CACNA1I: variants seen among roughly 807,000 people sequenced by gnomAD.
CACNA1I encodes calcium voltage-gated channel subunit alpha1 I.
A neutral mutation model predicts 201.6 loss-of-function variants in CACNA1I; 74 were observed. The ratio of observed to expected loss-of-function variants is 0.37; its 90% CI spans 0.30 to 0.45. CACNA1I has a LOEUF of 0.45. CACNA1I is among the 20% of genes least tolerant of loss of function. CACNA1I has a pLI of 1.00. For synonymous variants in CACNA1I, 1,431 were observed against 1,345.2 expected (o/e 1.06, Z -1.40); for missense variants, 2,346 against 3,138.1 (o/e 0.75, Z 6.03).
At chr22:39,617,621 G>A (rs1021158363) in intron 3 of CACNA1I, among the ~76,000 whole-genome samples, 3 of 152,104 alleles carry the variant, frequency 2.0e-5, no homozygotes, top group Non-Finnish European at 2.9e-5. Context: ...CGTGTCTCCC[G>A]GCTGCCTGGA....
chr22:39,652,608 T>C (rs1273156545), intron 10 of CACNA1I, among the ~76,000 whole-genome samples: 1 of 152,182 alleles, frequency 6.6e-6, no homozygotes, highest in Non-Finnish European at 1.5e-5. Flanking sequence ...ACGTTTGGGT[T>C]TCAATCCTGG....
intron 1 of CACNA1I, among the ~76,000 whole-genome samples, chr22:39,593,336 A>G (rs964945222): frequency 1.3e-5 from 2 of 152,172 alleles, no homozygotes; most frequent in South Asian, 4.1e-4. Context: ...TGTCTGGTAC[A>G]CAGTCGTCAG....
intron 4 of CACNA1I, among the ~76,000 whole-genome samples, chr22:39,628,071 C>T (rs1933948993): frequency 6.6e-6 from 1 of 152,126 alleles, no homozygotes; most frequent in Non-Finnish European, 1.5e-5. Context: ...CAGTGCCTCC[C>T]TCTCCCCCTC....
intron 4 of CACNA1I, among the ~76,000 whole-genome samples, chr22:39,625,907 T>C (rs1302595736): frequency 2.1e-5 from 3 of 144,402 alleles, no homozygotes; most frequent in African/African-American, 7.5e-5. Context: ...GCCTGAGTCA[T>C]TTACATATGA....
intron 15 of CACNA1I, 35 bp from the exon 16 acceptor site, chr22:39,661,073 C>T (rs1934991134): frequency 6.5e-7 from 1 of 1,545,154 alleles, no homozygotes. Flanking sequence ...TGTCTGCCAT[C>T]TGTCCCTCCC....
chr22:39,647,831 C>T lies in CACNA1I; in HGVS notation c.1472C>T (p.Thr491Ile). The T allele has an allele frequency of 6.2e-7, 1 of 1,603,416 alleles. No homozygotes were observed. Among genetic ancestry groups the T allele is most frequent in the Middle Eastern group, 1.7e-4 (1 of 6,036 alleles). The change falls in exon 9 of 37, where the codon ACT becomes ATT. Residue 491 changes from threonine (T) to isoleucine (I), a missense_variant. Thr to Ile is a moderately conservative substitution (Grantham distance 89). Transcript: ENST00000402142. ...AKEPRHYHGK[T>I]KGQGDEGRHL... is the part of the protein sequence containing the mutation. ...TATCTCCACTTTTCAGATGGGAAGA[C>T]TAAGGGTCAGGGAGATGAAGGGAGA... is the stretch of plus-strand genomic sequence containing the variant.
Position 39,679,304 on chromosome 22 carries a change from G to A in CACNA1I, c.5253G>A (p.Glu1751=). 1 of 1,558,020 alleles carries A rather than the reference G, an allele frequency of 6.4e-7. No homozygotes were observed. Among genetic ancestry groups the A allele is most frequent in the Non-Finnish European group, 8.7e-7 (1 of 1,151,612 alleles). ...QEDAEMDAEL[E]LEMAHGLGPG... ...ACGCCGAGATGGATGCCGAGCTCGAGCTGGAGATGGCCCATGGCCTGGGCC... is the reference window on the plus strand; with the variant it reads ...ACGCCGAGATGGATGCCGAGCTCGAACTGGAGATGGCCCATGGCCTGGGCC... The change falls in exon 32 of 37, where the codon GAG becomes GAA. Residue 1751 remains glutamate (E), a synonymous_variant. Coordinates refer to ENST00000402142, the MANE Select transcript of CACNA1I (RefSeq NM_021096.4).
At chr22:39,619,457 C>A in intron 4 of CACNA1I, 50 bp downstream of exon 4, 2 of 1,409,740 alleles carry the variant, frequency 1.4e-6, no homozygotes, top group East Asian at 2.3e-5. Flanking sequence ...CCATCCCTGG[C>A]CAACCCATCC....
intron 33 of CACNA1I, 39 bp from the exon 34 acceptor site, chr22:39,680,891 C>T: frequency 1.0e-5 from 16 of 1,590,682 alleles, no homozygotes; most frequent in Non-Finnish European, 1.4e-5. Context: ...CTGCCCATCC[C>T]AAACCTGGGT....
At chr22:39,593,424 C>T (rs897944670) in intron 1 of CACNA1I, among the ~76,000 whole-genome samples, 1 of 152,148 alleles carries the variant, frequency 6.6e-6, no homozygotes, top group Non-Finnish European at 1.5e-5. Flanking sequence ...GGCTGAGCCA[C>T]CACCTTGTGA....
chr22:39,624,658 T>G (rs376591136), intron 4 of CACNA1I, among the ~76,000 whole-genome samples: 1 of 152,278 alleles, frequency 6.6e-6, no homozygotes, highest in Admixed American at 6.5e-5. Context: ...ACGTGGGGCT[T>G]AAAGTCCATT....
At chr22:39,624,026 C>T (rs2146399284) in intron 4 of CACNA1I, among the ~76,000 whole-genome samples, 1 of 145,834 alleles carries the variant, frequency 6.9e-6, no homozygotes, top group South Asian at 2.2e-4. Flanking sequence ...AGGGGTGTGC[C>T]TGTGAGGGTA....
At position 39,619,364 on chromosome 22, in the gene CACNA1I, C is replaced by A. The variant is rs375964922; in HGVS notation, c.537C>A (p.Thr179=). 2 of 1,609,840 alleles carry A rather than the reference C, an allele frequency of 1.2e-6. No homozygotes were observed. The highest frequency in any genetic ancestry group is 1.7e-6 in the Non-Finnish European group (2 of 1,179,784). The part of the protein sequence containing the change: ...LQNINLSAIR[T]VRVLRPLKAI... ...ACATCAACCTGTCAGCCATCCGCAC[C>A]GTGCGCGTCCTGAGGCCCCTCAAAG... Residue 179 remains threonine (T), a synonymous_variant, in exon 4 of 37, where the codon ACC becomes ACA. Coordinates refer to ENST00000402142, the MANE Select transcript of CACNA1I (RefSeq NM_021096.4).
At chr22:39,654,729 G>A (rs550917606) in intron 10 of CACNA1I, among the ~76,000 whole-genome samples, 11 of 152,228 alleles carry the variant, frequency 7.2e-5, no homozygotes, top group South Asian at 2.1e-4. Context: ...CACTGGGGAC[G>A]GATCCCGAAG....
In CACNA1I at chr22:39,684,642, T is replaced by G. The variant is rs1935803960; in HGVS notation, c.6027+144T>G. On this transcript the variant is annotated intron_variant, in intron 36 of 36. Transcript: ENST00000402142. This position sits in a 1 kb window ranked among gnomAD's most constrained non-coding sequence, Gnocchi z 4.6. ...ACCGTGCAAGGGGGTTTGGGAACGCTGGGGTGACGCTGAGACTGGAGGGGG... is the reference window on the plus strand; with the variant it reads ...ACCGTGCAAGGGGGTTTGGGAACGCGGGGGTGACGCTGAGACTGGAGGGGG... 1 of 743,810 alleles carries G rather than the reference T, an allele frequency of 1.3e-6. No homozygotes were observed. The highest frequency in any genetic ancestry group is 2.1e-6 in the Non-Finnish European group (1 of 476,684). The allele number at this position is 743,810 out of a possible 1,614,324, so 46.1% of individuals were successfully genotyped here. A position where few individuals can be genotyped will look rare whatever the true frequency, so the allele number is the denominator to read the frequency against.
At position 39,638,885 on chromosome 22, in the gene CACNA1I, C is replaced by T. The variant is rs571787460; in HGVS notation, c.741-1982C>T. Among the ~76,000 whole-genome samples the T allele has an allele frequency of 8.3e-4, 127 of 152,266 alleles. 2 individuals carry two copies. Among genetic ancestry groups the T allele is most frequent in the African/African-American group, 3.0e-3 (126 of 41,520 alleles). ...CATAAGGAGTGCACAACCTAGATCT[C>T]TTGAGTGTGAAGTTCACAATAGGGT... On this transcript the variant is annotated intron_variant, in intron 5 of 36. Coordinates refer to ENST00000402142, the MANE Select transcript of CACNA1I (RefSeq NM_021096.4).
rs1934589032 is a variant in CACNA1I, at chr22:39,649,591, G to A, written c.1658G>A (p.Cys553Tyr). 6.5e-7 allele frequency: 1 copy of A among 1,543,964 alleles called. No homozygotes were observed. Among genetic ancestry groups the A allele is most frequent in the Admixed American group, 2.0e-5 (1 of 50,302 alleles). Residue 553 changes from cysteine to tyrosine, a missense_variant, in exon 10 of 37, where the codon TGC becomes TAC. Transcript: ENST00000402142. This position sits in a 1 kb window ranked among gnomAD's most constrained non-coding sequence, Gnocchi z 7.3. The stretch of plus-strand genomic sequence containing the variant: ...ACGCTGGCTTCCGATCCCGCCAGCT[G>A]CCCTTGCTGCCAGCATGAGGACGGC... ...PATLASDPAS[C>Y]PCCQHEDGRR...
chr22:39,647,009 C>A, intron 8 of CACNA1I, 128 bp downstream of exon 8: 4 of 1,371,002 alleles, frequency 2.9e-6, no homozygotes, highest in Non-Finnish European at 2.9e-6. Context: ...GTGTTTCCTT[C>A]ACAGCCCCCA....
intron 24 of CACNA1I, 128 bp from the exon 25 acceptor site, chr22:39,669,910 T>A (rs1601519325): frequency 2.9e-6 from 3 of 1,039,016 alleles, no homozygotes; most frequent in East Asian, 2.4e-5. Context: ...CATTTAGACC[T>A]CACAGCCACC....
Sources: gnomAD v4.1 joint callset for allele counts (sites outside exome capture counted in the v4.1 genomes callset) on GRCh38, gnomAD v4.1.1 for gene constraint, Gnocchi (gnomAD v3.1) non-coding constraint, MANE v1.5 for transcripts, NCBI Gene and HGNC (gene_info 2026-07-23, HGNC 2026-07-21) for gene names.